Variants in SAMD5 observed in about 807,000 individuals in gnomAD.
SAMD5 encodes the protein sterile alpha motif domain-containing protein 5.
A neutral mutation model predicts 11.3 loss-of-function variants in SAMD5; 13 were observed. That is an observed-to-expected ratio of 1.15 (90% CI 0.75 to 1.83). The LOEUF is 1.83. Ranked by LOEUF, SAMD5 falls within the 40% of genes most tolerant of loss-of-function variation. SAMD5 has a pLI of 0.00. For missense variants in SAMD5, 255 were observed against 239.1 expected, an observed-to-expected ratio of 1.07 and a Z score of -0.44; for synonymous variants, 129 against 111.3, an observed-to-expected ratio of 1.16 and a Z score of -1.00.
At chr6:147,559,945 G>A (rs1316742340) in intron 1 of SAMD5, among the ~76,000 whole-genome samples, 2 of 152,196 alleles carry the variant, frequency 1.3e-5, no homozygotes, top group South Asian at 2.1e-4. Flanking sequence ...TTAGAGGAAA[G>A]ATGATTGTTA....
chr6:147,715,591 CG>C (rs543634186), intron 1 of SAMD5, among the ~76,000 whole-genome samples: 17 of 152,182 alleles, frequency 1.1e-4, no homozygotes, highest in Admixed American at 2.0e-4. Context: ...CACATTGAGG[CG>C]AGCAAGGGGC....
chr6:147,919,725 G>C, the SAMD5 span, among the ~76,000 whole-genome samples: 2 of 152,164 alleles, frequency 1.3e-5, no homozygotes, highest in Non-Finnish European at 2.9e-5. Context: ...TTTTAAAGTT[G>C]GTTCATGTTT....
chr6:147,644,940 G>A (rs183783988), intron 1 of SAMD5, among the ~76,000 whole-genome samples: 1 of 152,272 alleles, frequency 6.6e-6, no homozygotes, highest in African/African-American at 2.4e-5. Flanking sequence ...TGAGTTTGTT[G>A]TTGAAGCATA....
the SAMD5 span, among the ~76,000 whole-genome samples, chr6:147,779,464 A>G: frequency 1.7e-3 from 252 of 152,088 alleles, 1 homozygote; most frequent in African/African-American, 5.9e-3. Context: ...TGCCCTGAGC[A>G]GCTCTACATT....
intron 1 of SAMD5, among the ~76,000 whole-genome samples, chr6:147,587,616 T>G (rs1345338936): frequency 6.6e-6 from 1 of 152,168 alleles, no homozygotes; most frequent in Non-Finnish European, 1.5e-5. Context: ...ATAGATAATT[T>G]CAGTTGAGAG....
chr6:147,684,352 C>T (rs1790980379), intron 1 of SAMD5, among the ~76,000 whole-genome samples: 1 of 150,898 alleles, frequency 6.6e-6, no homozygotes, highest in African/African-American at 2.5e-5. Flanking sequence ...ATCCATTCTA[C>T]TGTTGATAGT....
At chr6:147,908,973 C>T in the SAMD5 span, among the ~76,000 whole-genome samples, 2 of 152,152 alleles carry the variant, frequency 1.3e-5, no homozygotes, top group South Asian at 4.2e-4. Flanking sequence ...CTTTGGGAGG[C>T]CAAGGTGGGA....
the SAMD5 span, among the ~76,000 whole-genome samples, chr6:147,916,875 A>T: frequency 6.6e-6 from 1 of 150,874 alleles, no homozygotes; most frequent in Non-Finnish European, 1.5e-5. Flanking sequence ...GTCCCTACAA[A>T]GGACATGAAC....
chr6:147,859,742 T>C, the SAMD5 span, among the ~76,000 whole-genome samples: 1 of 152,204 alleles, frequency 6.6e-6, no homozygotes, highest in African/African-American at 2.4e-5. Flanking sequence ...TACTCTGTTT[T>C]TTGGGTTTTT....
At chr6:147,713,431 G>A (rs1323162727) in intron 1 of SAMD5, among the ~76,000 whole-genome samples, 1 of 152,174 alleles carries the variant, frequency 6.6e-6, no homozygotes, top group South Asian at 2.1e-4. Flanking sequence ...GACATAACCT[G>A]GGTTGTTCTG....
chr6:147,934,590 G>A, the SAMD5 span, among the ~76,000 whole-genome samples: 2 of 152,152 alleles, frequency 1.3e-5, no homozygotes, highest in South Asian at 2.1e-4. Context: ...GGGAGTGCAG[G>A]GGAGGACTGA....
In SAMD5 at chr6:147,509,005, G is replaced by C. The variant is rs774260501; in HGVS notation, c.77G>C (p.Gly26Ala). 1.2e-6 allele frequency: 2 copies of C among 1,606,528 alleles called. No homozygotes were observed. The highest frequency in any genetic ancestry group is 1.7e-6 in the Non-Finnish European group (2 of 1,177,042). ...TACGCGGAGTCCTTCGTGGATAACGGCTACGATGACCTGGAGGTGTGCAAG... is the reference window on the plus strand; with the variant it reads ...TACGCGGAGTCCTTCGTGGATAACGCCTACGATGACCTGGAGGTGTGCAAG... ...PQYAESFVDN[G>A]YDDLEVCKQI... The change falls in exon 1 of 2, where the codon GGC (glycine) becomes GCC (alanine). Residue 26 changes from glycine (G) to alanine (A), a missense_variant. Coordinates refer to ENST00000367474, the MANE Select transcript of SAMD5 (RefSeq NM_001030060.3).
At chr6:147,774,779 A>G in the SAMD5 span, among the ~76,000 whole-genome samples, 22 of 152,080 alleles carry the variant, frequency 1.4e-4, no homozygotes, top group South Asian at 3.7e-3. Flanking sequence ...TGGATGTGGA[A>G]CCCATGGTTG....
At chr6:147,710,479 G>A (rs564492538) in intron 1 of SAMD5, among the ~76,000 whole-genome samples, 120 of 152,266 alleles carry the variant, frequency 7.9e-4, no homozygotes, top group African/African-American at 2.6e-3. Flanking sequence ...TGTGAATCGT[G>A]CCTTTGTCCA....
chr6:147,548,370 A>G (rs1272815437), intron 1 of SAMD5, among the ~76,000 whole-genome samples: 1 of 152,204 alleles, frequency 6.6e-6, no homozygotes, highest in Non-Finnish European at 1.5e-5. Flanking sequence ...CTGTCTTTCT[A>G]GAACGTGGCA....
downstream of SAMD5, among the ~76,000 whole-genome samples, chr6:147,742,407 C>T (rs146402984): frequency 1.3e-5 from 2 of 152,140 alleles, no homozygotes; most frequent in Non-Finnish European, 2.9e-5. Flanking sequence ...TAATAATCTT[C>T]GCGTGACCTG....
chr6:147,786,739 G>C, the SAMD5 span, among the ~76,000 whole-genome samples: 1 of 152,112 alleles, frequency 6.6e-6, no homozygotes, highest in African/African-American at 2.4e-5. Context: ...ATTGCTGCCA[G>C]GTTTTCTAAT....
Position 147,645,723 on chromosome 6 carries a change from G to A in SAMD5, c.163-91594G>A, listed in dbSNP as rs567142052. Among the ~76,000 whole-genome samples, 6 of 152,264 alleles carry A rather than the reference G, an allele frequency of 3.9e-5. No individual in the cohort carries two copies. In the South Asian group the frequency reaches 8.3e-4, roughly 21 times the overall value. ...TTGATGAGGTCTGTGATAAATTGTGGCACCTCAGTGTCATATGAGTTGAGT... is the reference window on the plus strand; with the variant it reads ...TTGATGAGGTCTGTGATAAATTGTGACACCTCAGTGTCATATGAGTTGAGT... On this transcript the variant is annotated intron_variant, in intron 1 of 1. Transcript: ENST00000566741.
At chr6:147,551,872 A>T (rs942612174) in intron 1 of SAMD5, among the ~76,000 whole-genome samples, 5 of 142,296 alleles carry the variant, frequency 3.5e-5, no homozygotes, top group African/African-American at 5.2e-5. Flanking sequence ...ATTTATATAT[A>T]TGTAATATTT....
Sources: gnomAD v4.1 joint callset for allele counts (sites outside exome capture counted in the v4.1 genomes callset) on GRCh38, gnomAD v4.1.1 for gene constraint, MANE v1.5 for transcripts, NCBI Gene and HGNC (gene_info 2026-07-23, HGNC 2026-07-21) for gene names.